TMEM61: variants seen among roughly 807,000 people sequenced by gnomAD.
The protein encoded by TMEM61 is transmembrane protein 61.
Under a neutral mutation model 12.0 loss-of-function variants are expected in TMEM61, and 13 were observed. The ratio of observed to expected loss-of-function variants is 1.08; its 90% CI spans 0.70 to 1.72. The LOEUF (loss-of-function observed/expected upper bound fraction) is 1.72, where lower values mean the gene tolerates loss of function less well. Among genes scored for constraint, TMEM61 ranks in the 40% most tolerant of loss-of-function variants. The pLI is 0.00. For synonymous variants in TMEM61, 109 were observed against 121.4 expected, an observed-to-expected ratio of 0.90 and a Z score of 0.67; for missense variants, 249 against 276.9, an observed-to-expected ratio of 0.90 and a Z score of 0.71.
chr1:54,990,443 G>T (rs1373762273), intron 2 of TMEM61, among the ~76,000 whole-genome samples: 1 of 152,190 alleles, frequency 6.6e-6, no homozygotes, highest in African/African-American at 2.4e-5. Flanking sequence ...CCCGGTGGGT[G>T]CTGGGCGTTC....
In TMEM61 at chr1:54,992,013, C is replaced by T. The variant is rs148386208; in HGVS notation, c.543C>T (p.Ser181=). Residue 181 remains serine (S), a synonymous_variant, in exon 3 of 3, where the codon AGC becomes AGT. Coordinates refer to ENST00000371268, the MANE Select transcript of TMEM61 (RefSeq NM_182532.3). The part of the protein sequence containing the change: ...AWPPPSYESI[S]LALDAVSAET... ...CTCCACCCAGCTATGAGAGCATCAG[C>T]CTTGCTCTTGATGCCGTTTCTGCGG... 92 of 1,614,130 alleles carry T rather than the reference C, an allele frequency of 5.7e-5. No homozygotes were observed. The highest frequency in any genetic ancestry group is 7.3e-5 in the Non-Finnish European group (86 of 1,180,034).
intron 1 of TMEM61, among the ~76,000 whole-genome samples, chr1:54,983,145 A>C (rs1644235525): frequency 7.6e-6 from 1 of 131,096 alleles, no homozygotes; most frequent in African/African-American, 3.0e-5. Context: ...AAAGAGTCTC[A>C]CTCTGTCACC....
chr1:54,985,389 G>A (rs2433677), intron 1 of TMEM61, among the ~76,000 whole-genome samples: 108,637 of 152,052 alleles, frequency 0.71, 39,713 homozygotes, highest in Non-Finnish European at 0.8. Flanking sequence ...GGCATGTGCC[G>A]CCATGCTCAG....
At chr1:54,985,933 G>A (rs1644254697) in intron 1 of TMEM61, among the ~76,000 whole-genome samples, 164 bp from the exon 2 acceptor site, 1 of 152,220 alleles carries the variant, frequency 6.6e-6, no homozygotes, top group African/African-American at 2.4e-5. Flanking sequence ...GCCCGGCAAA[G>A]TCAGGGGCAT....
At chr1:54,989,024 G>A (rs1286751711) in intron 2 of TMEM61, among the ~76,000 whole-genome samples, 1 of 152,168 alleles carries the variant, frequency 6.6e-6, no homozygotes, top group African/African-American at 2.4e-5. Context: ...TGAGAGTTAG[G>A]GAAGCGTGCA....
chr1:54,989,999 G>A (rs905908363), intron 2 of TMEM61, among the ~76,000 whole-genome samples: 1 of 151,876 alleles, frequency 6.6e-6, no homozygotes, highest in Non-Finnish European at 1.5e-5. Flanking sequence ...CTCATTTTAC[G>A]GATGAGGAGA....
Position 54,986,114 on chromosome 1 carries a change from CT to C in TMEM61, c.35del (p.Leu12TrpfsTer9). Reference protein sequence around the residue: ...ALPQMCDGSHLASTLRYCMTV... With the variant: ...ALPQMCDGSHXASTLRYCMTV... ...GTGTCCAGATGTGTGACGGGAGCCA[CT>C]TGGCCTCCACCCTCCGCTATTGCAT... On this transcript the variant is annotated frameshift_variant, in exon 2 of 3. Transcript: ENST00000371268. LOFTEE classifies it high-confidence loss of function. 1 of 1,591,520 alleles carries C rather than the reference CT, an allele frequency of 6.3e-7. No individual in the cohort carries two copies. Among genetic ancestry groups the C allele is most frequent in the Non-Finnish European group, 8.6e-7 (1 of 1,164,586 alleles).
chr1:54,985,305 C>T (rs979535085), intron 1 of TMEM61, among the ~76,000 whole-genome samples: 7 of 152,058 alleles, frequency 4.6e-5, no homozygotes, highest in East Asian at 1.9e-4. Context: ...GGTGCGATCT[C>T]GGCTCACTAC....
chr1:54,990,432 C>T (rs1337354004), intron 2 of TMEM61, among the ~76,000 whole-genome samples: 1 of 152,150 alleles, frequency 6.6e-6, no homozygotes, highest in Non-Finnish European at 1.5e-5. Context: ...AAGTCCAGGT[C>T]CCCGGTGGGT....
Position 54,992,190 on chromosome 1 carries a change from C to T in TMEM61, c.*87C>T. On this transcript the variant is annotated 3_prime_UTR_variant, in exon 3 of 3. Coordinates refer to ENST00000371268, the MANE Select transcript of TMEM61 (RefSeq NM_182532.3). ...CAGTGCCTGGGACACAGTAGGCACTCAGCAAACGTTCGTTGTTGAAGGCTG... is the reference window on the plus strand; with the variant it reads ...CAGTGCCTGGGACACAGTAGGCACTTAGCAAACGTTCGTTGTTGAAGGCTG... 1 of 1,471,694 alleles carries T rather than the reference C, an allele frequency of 6.8e-7. No homozygotes were observed. Among genetic ancestry groups the T allele is most frequent in the Non-Finnish European group, 9.1e-7 (1 of 1,094,506 alleles). 91.2% of individuals were successfully genotyped at this position (1,471,694 alleles called of 1,614,324 possible).
rs1175114104 is a variant in TMEM61 at position 54,980,921 on chromosome 1, C to A, written c.-145C>A. Reference sequence around the variant, plus strand: ...GCAGGGCTCGGGGGCAGCGGCCAGGCCCCTCCGCCCCTAACACCCGCGCCT... The same window carrying A: ...GCAGGGCTCGGGGGCAGCGGCCAGGACCCTCCGCCCCTAACACCCGCGCCT... On this transcript the variant is annotated 5_prime_UTR_variant, in exon 1 of 3. Transcript: ENST00000371268. 1 of 821,558 alleles carries A rather than the reference C, an allele frequency of 1.2e-6. No individual in the cohort carries two copies. The highest frequency in any genetic ancestry group is 1.8e-5 in the African/African-American group (1 of 57,140). The allele number at this position is 821,558 out of a possible 1,614,324, so 50.9% of individuals were successfully genotyped here.
intron 1 of TMEM61, 90 bp downstream of exon 1, chr1:54,981,170 A>G (rs1644218163): frequency 2.7e-6 from 4 of 1,458,922 alleles, no homozygotes; most frequent in East Asian, 2.6e-5. Flanking sequence ...AACCTCGGTC[A>G]CCGTGGCTTG....
intron 1 of TMEM61, 72 bp downstream of exon 1, chr1:54,981,152 C>A: frequency 6.6e-7 from 1 of 1,514,476 alleles, no homozygotes; most frequent in African/African-American, 1.4e-5. Context: ...GCCCCGACCC[C>A]TTCCCCTAAC....
chr1:54,984,647 G>A (rs1266993169), intron 1 of TMEM61, among the ~76,000 whole-genome samples: 1 of 152,226 alleles, frequency 6.6e-6, no homozygotes, highest in Non-Finnish European at 1.5e-5. Flanking sequence ...TGGTGAACAA[G>A]GCCAGCATGG....
intron 2 of TMEM61, among the ~76,000 whole-genome samples, 159 bp from the exon 3 acceptor site, chr1:54,991,677 C>A (rs952828301): frequency 1.3e-5 from 2 of 152,202 alleles, no homozygotes; most frequent in South Asian, 4.1e-4. Flanking sequence ...GGGGCTGGCT[C>A]ATGCCAAGTT....
chr1:54,982,344 T>C (rs1644228578), intron 1 of TMEM61, among the ~76,000 whole-genome samples: 1 of 152,096 alleles, frequency 6.6e-6, no homozygotes, highest in Admixed American at 6.6e-5. Flanking sequence ...ACAGGTCTAG[T>C]AGAGGGTCCA....
At chr1:54,988,415 C>T (rs1376143343) in intron 2 of TMEM61, among the ~76,000 whole-genome samples, 2 of 152,236 alleles carry the variant, frequency 1.3e-5, no homozygotes, top group Admixed American at 6.5e-5. Flanking sequence ...CCATCGAGCT[C>T]CAAGACCCCA....
At chr1:54,991,805 C>G (rs777783277) in intron 2 of TMEM61, 31 bp from the exon 3 acceptor site, 3 of 1,607,114 alleles carry the variant, frequency 1.9e-6, no homozygotes, top group East Asian at 2.2e-5. Context: ...TGCCCCAGCC[C>G]CTGCTAACAG....
intron 2 of TMEM61, among the ~76,000 whole-genome samples, chr1:54,990,677 T>G (rs1298051059): frequency 1.3e-5 from 2 of 152,118 alleles, no homozygotes; most frequent in African/African-American, 4.8e-5. Flanking sequence ...CCTGCCATCT[T>G]GAGGCCTGTG....
Sources: gnomAD v4.1 joint callset for allele counts (sites outside exome capture counted in the v4.1 genomes callset) on GRCh38, gnomAD v4.1.1 for gene constraint, MANE v1.5 for transcripts, NCBI Gene and HGNC (gene_info 2026-07-23, HGNC 2026-07-21) for gene names.